PLXNA4: variants seen among roughly 807,000 people sequenced by gnomAD.
PLXNA4 encodes the protein plexin-A4.
Under a neutral mutation model 191.8 loss-of-function variants are expected in PLXNA4, and 44 were observed. That is an observed-to-expected ratio of 0.23 (90% CI 0.18 to 0.29). PLXNA4 has a LOEUF of 0.29. Ranked by LOEUF, PLXNA4 falls within the 10% of genes least tolerant of loss-of-function variation. The probability of loss-of-function intolerance (pLI) is 1.00; values close to 1 mark genes in which losing one functional copy is unlikely to be tolerated. For synonymous variants in PLXNA4, 1,082 were observed against 1,009.5 expected (o/e 1.07, Z -1.36); for missense variants, 1,800 against 2,488.8 (o/e 0.72, Z 5.89).
chr7:132,414,207 C>A (rs903054523), intron 3 of PLXNA4, among the ~76,000 whole-genome samples: 1 of 152,168 alleles, frequency 6.6e-6, no homozygotes, highest in Non-Finnish European at 1.5e-5. Context: ...TACAGATGAA[C>A]CCTGTTGCTG....
chr7:132,328,410 G>T (rs1258990430), intron 3 of PLXNA4, among the ~76,000 whole-genome samples: 1 of 152,138 alleles, frequency 6.6e-6, no homozygotes, highest in Non-Finnish European at 1.5e-5. Flanking sequence ...ACATGGGCTT[G>T]GCGGAGGGCT....
chr7:132,463,379 GA>G (rs946732352), intron 3 of PLXNA4, among the ~76,000 whole-genome samples: 13 of 151,796 alleles, frequency 8.6e-5, no homozygotes, highest in Non-Finnish European at 1.9e-4. Context: ...AGCACATGAG[GA>G]AAAAAAATCA....
chr7:132,620,977 G>A (rs1415720512), intron 2 of PLXNA4, among the ~76,000 whole-genome samples: 5 of 152,174 alleles, frequency 3.3e-5, no homozygotes, highest in Admixed American at 2.0e-4. Flanking sequence ...TCCTCGCAGG[G>A]CAGAGAGATC....
At chr7:132,628,072 C>T (rs1803416753) in intron 2 of PLXNA4, among the ~76,000 whole-genome samples, 1 of 152,166 alleles carries the variant, frequency 6.6e-6, no homozygotes, top group Admixed American at 6.5e-5. Flanking sequence ...TCTAATCCTG[C>T]TCAATAGTCC....
At chr7:132,338,036 C>A (rs1050923323) in intron 3 of PLXNA4, among the ~76,000 whole-genome samples, 1 of 152,130 alleles carries the variant, frequency 6.6e-6, no homozygotes, top group South Asian at 2.1e-4. Flanking sequence ...CACTGTAGAG[C>A]GCTGTTATAT....
intron 11 of PLXNA4, 32 bp downstream of exon 11, chr7:132,203,291 C>A: frequency 7.9e-6 from 12 of 1,524,782 alleles, no homozygotes; most frequent in Non-Finnish European, 1.0e-5. Context: ...CCCTTCCCCT[C>A]CCTCCCCTGC....
intron 4 of PLXNA4, among the ~76,000 whole-genome samples, chr7:132,273,264 C>G (rs1800143787): frequency 6.6e-6 from 1 of 152,022 alleles, no homozygotes; most frequent in Non-Finnish European, 1.5e-5. Flanking sequence ...ACACTAAGCT[C>G]ACACTGGAAA....
chr7:132,424,407 C>G (rs2288974), intron 3 of PLXNA4, among the ~76,000 whole-genome samples: 38,171 of 152,188 alleles, frequency 0.25, 9,048 homozygotes, highest in African/African-American at 0.61. Flanking sequence ...GCCCACAAGA[C>G]AGTAGAGGGG....
At chr7:132,371,241 G>C (rs1296490646) in intron 3 of PLXNA4, among the ~76,000 whole-genome samples, 1 of 152,104 alleles carries the variant, frequency 6.6e-6, no homozygotes, top group East Asian at 1.9e-4. Flanking sequence ...TATACAGAAG[G>C]CACAGAGAAA....
chr7:132,555,045 G>GAAAAAAAAAAAACAAAAAAAAAAAAAA (rs1554467852), intron 1 of PLXNA4, among the ~76,000 whole-genome samples: 1 of 111,942 alleles, frequency 8.9e-6, no homozygotes, highest in Admixed American at 9.6e-5. Context: ...AAACCTGAAG[G>GAAAAAAAAAAAACAAAAAAAAAAAAAA]AAAAAAAAAA....
At position 132,521,767 on chromosome 7, in the gene PLXNA4, C is replaced by T. The variant is rs140117126; in HGVS notation, c.-86-12988G>A. On this transcript the variant is annotated intron_variant, in intron 1 of 31. Coordinates refer to ENST00000321063, the MANE Select transcript of PLXNA4 (RefSeq NM_020911.2). ...ACTCCATCCTCTCAGGTGCCCATGA[C>T]TGTAAAGTAGATGTGTCCTCAACAA... 1.2e-3 allele frequency among the ~76,000 whole-genome samples: 176 copies of T among 152,312 alleles called. 5 individuals carry two copies. In the East Asian group the frequency reaches 0.032, roughly 27 times the overall value.
chr7:132,524,620 G>T (rs1254740612), intron 1 of PLXNA4, among the ~76,000 whole-genome samples: 1 of 152,158 alleles, frequency 6.6e-6, no homozygotes, highest in African/African-American at 2.4e-5. Flanking sequence ...CTGTCACCCA[G>T]GCTGGAGTGC....
chr7:132,404,616 C>T (rs1347661849), intron 3 of PLXNA4, among the ~76,000 whole-genome samples: 1 of 152,166 alleles, frequency 6.6e-6, no homozygotes, highest in Non-Finnish European at 1.5e-5. Flanking sequence ...AGAATGGACT[C>T]CCAAGTAAGA....
chr7:132,562,538 T>C (rs1436878627), intron 1 of PLXNA4, among the ~76,000 whole-genome samples: 38 of 61,198 alleles, frequency 6.2e-4, no homozygotes, highest in East Asian at 2.3e-3. Context: ...CCTTCTCCTC[T>C]TTCTCCTCCT....
At chr7:132,525,988 C>T (rs1196855713) in intron 1 of PLXNA4, among the ~76,000 whole-genome samples, 2 of 152,204 alleles carry the variant, frequency 1.3e-5, no homozygotes, top group Non-Finnish European at 2.9e-5. Context: ...TCTGGGAACA[C>T]TGTTCCATGG....
chr7:132,602,284 C>A (rs960923955), intron 2 of PLXNA4, among the ~76,000 whole-genome samples: 1 of 152,180 alleles, frequency 6.6e-6, no homozygotes, highest in African/African-American at 2.4e-5. Flanking sequence ...TATTTCACCT[C>A]CTTCATGAGT....
At chr7:132,137,906 GATGAGT>G (rs1391103311) in intron 30 of PLXNA4, among the ~76,000 whole-genome samples, 2 of 151,708 alleles carry the variant, frequency 1.3e-5, no homozygotes, top group Non-Finnish European at 2.9e-5. Flanking sequence ...CGGATGAGAG[GATGAGT>G]ATGAGGATGG....
chr7:132,421,972 T>C (rs977236742), intron 3 of PLXNA4, among the ~76,000 whole-genome samples: 14 of 152,240 alleles, frequency 9.2e-5, no homozygotes, highest in Admixed American at 5.9e-4. Context: ...GATCAAATGA[T>C]GCTTCTAAAA....
intron 1 of PLXNA4, among the ~76,000 whole-genome samples, chr7:132,648,127 A>G (rs1272089821): frequency 6.6e-6 from 1 of 152,134 alleles, no homozygotes; most frequent in African/African-American, 2.4e-5. Context: ...GCACTCACAC[A>G]TACACTCACG....
Sources: gnomAD v4.1 joint callset for allele counts (sites outside exome capture counted in the v4.1 genomes callset) on GRCh38, gnomAD v4.1.1 for gene constraint, MANE v1.5 for transcripts, NCBI Gene and HGNC (gene_info 2026-07-23, HGNC 2026-07-21) for gene names.